The following ZNF407 variants were observed in gnomAD, a reference collection of about 807,000 sequenced individuals.
ZNF407 encodes the protein zinc finger protein 407.
Under a neutral mutation model 131.2 loss-of-function variants are expected in ZNF407, and 17 were observed. The ratio of observed to expected loss-of-function variants is 0.13; its 90% CI spans 0.09 to 0.19. The LOEUF (loss-of-function observed/expected upper bound fraction) is 0.19. Among genes scored for constraint, ZNF407 ranks in the 10% least tolerant of loss-of-function variants. ZNF407 has a pLI of 1.00. For missense variants in ZNF407, 2,681 were observed against 2,830.6 expected (o/e 0.95, Z 1.20); for synonymous variants, 1,156 against 1,062.0 (o/e 1.09, Z -1.72).
chr18:74,982,560 C>T (rs1972605053), intron 8 of ZNF407, among the ~76,000 whole-genome samples: 1 of 152,170 alleles, frequency 6.6e-6, no homozygotes, highest in African/African-American at 2.4e-5. Context: ...TACTGAGTTC[C>T]CTTGCTACTC....
rs546766196 is a variant in ZNF407 at position 74,820,798 on chromosome 18, GATGGAAGATGTCA to G, written c.4877+39297_4877+39309del. ...TTCAGTCTTAGGAACAGAAGTCTATGATGGAAGATGTCACGAAAATGGGGCATCACCTATGCCG... is the reference window on the plus strand; with the variant it reads ...TTCAGTCTTAGGAACAGAAGTCTATGCGAAAATGGGGCATCACCTATGCCG... On this transcript the variant is annotated intron_variant, in intron 4 of 8. Transcript: ENST00000299687. Among the ~76,000 whole-genome samples the G allele has an allele frequency of 1.6e-4, 24 of 152,238 alleles. No individual in the cohort carries two copies. In the South Asian group the frequency reaches 4.6e-3, roughly 29 times the overall value.
At chr18:74,849,104 GT>G (rs1970745151) in intron 4 of ZNF407, among the ~76,000 whole-genome samples, 1 of 148,566 alleles carries the variant, frequency 6.7e-6, no homozygotes, top group African/African-American at 2.5e-5. Context: ...TTGAGACGGG[GT>G]TTTTCTCTTG....
intron 8 of ZNF407, among the ~76,000 whole-genome samples, chr18:74,951,837 A>G (rs1277131787): frequency 6.6e-6 from 1 of 152,140 alleles, no homozygotes; most frequent in Admixed American, 6.5e-5. Context: ...GGAATATTTA[A>G]CAGATACACC....
At chr18:74,846,485 G>A (rs1970705174) in intron 4 of ZNF407, among the ~76,000 whole-genome samples, 1 of 151,412 alleles carries the variant, frequency 6.6e-6, no homozygotes, top group Non-Finnish European at 1.5e-5. Context: ...GATTACAGGT[G>A]CATGCCACCA....
chr18:74,836,962 A>G (rs1315713047), intron 4 of ZNF407, among the ~76,000 whole-genome samples: 1 of 152,094 alleles, frequency 6.6e-6, no homozygotes, highest in Admixed American at 6.6e-5. Flanking sequence ...CCCTTTACCA[A>G]CCTGACTCAA....
chr18:74,870,522 C>T (rs200506964), intron 4 of ZNF407, among the ~76,000 whole-genome samples: 6 of 152,126 alleles, frequency 3.9e-5, no homozygotes, highest in East Asian at 3.8e-4. Context: ...CTTCTTAATA[C>T]GAATTATGCT....
At chr18:74,995,775 T>C (rs1972773675) in intron 8 of ZNF407, among the ~76,000 whole-genome samples, 1 of 152,216 alleles carries the variant, frequency 6.6e-6, no homozygotes, top group African/African-American at 2.4e-5. Context: ...GTTTAAGAGA[T>C]ACCGAGGGAC....
At chr18:74,656,752 T>C (rs1301097541) in intron 3 of ZNF407, among the ~76,000 whole-genome samples, 2 of 152,156 alleles carry the variant, frequency 1.3e-5, no homozygotes, top group African/African-American at 4.8e-5. Flanking sequence ...CAAATGTAGC[T>C]GAGTGAGGAA....
intron 3 of ZNF407, among the ~76,000 whole-genome samples, chr18:74,688,155 A>T (rs61224335): frequency 1.3e-5 from 2 of 152,198 alleles, no homozygotes. Flanking sequence ...AAATTTGATT[A>T]TAGTTATGCT....
rs376987258 is a variant in ZNF407, at chr18:74,850,025, A to G, written c.4878-27172A>G. ...TAAAATTAGAGGGAAAAATAGCCCCATTCATGAAATTATACCTGAAGCTGT... is the reference window on the plus strand; with the variant it reads ...TAAAATTAGAGGGAAAAATAGCCCCGTTCATGAAATTATACCTGAAGCTGT... On this transcript the variant is annotated intron_variant, in intron 4 of 8. Transcript: ENST00000299687. 4.6e-5 allele frequency among the ~76,000 whole-genome samples: 7 copies of G among 152,206 alleles called. No homozygotes were observed. The East Asian group carries it at 1.3e-3, about 29-fold the overall frequency.
At chr18:74,958,429 G>A (rs1013367190) in intron 8 of ZNF407, among the ~76,000 whole-genome samples, 1 of 152,134 alleles carries the variant, frequency 6.6e-6, no homozygotes, top group African/African-American at 2.4e-5. Flanking sequence ...GTCGAGGAGG[G>A]AGCACCTGAG....
chr18:74,778,317 T>G (rs1272368484), intron 3 of ZNF407, among the ~76,000 whole-genome samples: 2 of 152,206 alleles, frequency 1.3e-5, no homozygotes, highest in Non-Finnish European at 2.9e-5. Context: ...GAGCAGGGGT[T>G]GCTGGTCCTT....
chr18:75,064,202 G>A lies in ZNF407; in HGVS notation c.6481G>A (p.Gly2161Ser). The A allele has an allele frequency of 6.2e-7, 1 of 1,604,900 alleles. No homozygotes were observed. Among genetic ancestry groups the A allele is most frequent in the South Asian group, 1.1e-5 (1 of 89,422 alleles). Residue 2161 changes from glycine to serine, a missense_variant, in exon 9 of 9, where the codon GGC becomes AGC. By Grantham distance (56) the Gly-to-Ser change is moderately conservative (BLOSUM62 0). Coordinates refer to ENST00000299687, the MANE Select transcript of ZNF407 (RefSeq NM_017757.3). Reference protein sequence around the residue: ...LVQAMVQESSGGFSEGTTHYI... With the variant: ...LVQAMVQESSSGFSEGTTHYI... ...CCAGGCCATGGTGCAGGAGTCCAGT[G>A]GCGGCTTCTCCGAGGGCACCACGCA...
At chr18:74,628,747 A>AT (rs948419136) in intron 1 of ZNF407, among the ~76,000 whole-genome samples, 7 of 151,650 alleles carry the variant, frequency 4.6e-5, no homozygotes, top group Admixed American at 1.3e-4. Context: ...AATTTTTATT[A>AT]TTTTTTTATT....
intron 3 of ZNF407, among the ~76,000 whole-genome samples, chr18:74,747,061 G>T (rs1017517672): frequency 4.6e-5 from 7 of 152,036 alleles, no homozygotes; most frequent in African/African-American, 1.2e-4. Flanking sequence ...AATCTTACGG[G>T]ACCATTGTCA....
chr18:74,821,776 GT>G (rs1427779757), intron 4 of ZNF407, among the ~76,000 whole-genome samples: 67 of 152,236 alleles, frequency 4.4e-4, no homozygotes, highest in African/African-American at 1.2e-3. Flanking sequence ...AATCCTTTGG[GT>G]ATATACCCAG....
chr18:74,811,082 C>G (rs1226238592), intron 4 of ZNF407, among the ~76,000 whole-genome samples: 1 of 152,018 alleles, frequency 6.6e-6, no homozygotes, highest in Admixed American at 6.5e-5. Context: ...TCAGAGTGAA[C>G]AGGCAACCTA....
intron 8 of ZNF407, among the ~76,000 whole-genome samples, chr18:74,953,795 A>C (rs961298825): frequency 6.6e-6 from 1 of 152,226 alleles, no homozygotes; most frequent in Non-Finnish European, 1.5e-5. Context: ...CCTTACTCCG[A>C]TGTCATTGTG....
intron 8 of ZNF407, among the ~76,000 whole-genome samples, chr18:75,010,050 A>G (rs1249100819): frequency 6.6e-6 from 1 of 152,212 alleles, no homozygotes; most frequent in African/African-American, 2.4e-5. Flanking sequence ...AAGTGGGAAA[A>G]GAAAACATTA....
Sources: allele counts gnomAD v4.1 joint callset (sites outside exome capture counted in the v4.1 genomes callset), GRCh38; gene constraint gnomAD v4.1.1; transcripts MANE v1.5; gene names NCBI Gene and HGNC (gene_info 2026-07-23, HGNC 2026-07-21).